AGPS: variants seen among roughly 807,000 people sequenced by gnomAD.
AGPS encodes the protein alkyldihydroxyacetonephosphate synthase, peroxisomal.
AGPS carries 26 observed loss-of-function variants against 90.7 expected under a neutral mutation model. That is an observed-to-expected ratio of 0.29 (90% CI 0.21 to 0.40). The LOEUF (loss-of-function observed/expected upper bound fraction) is 0.40, where lower values mean the gene tolerates loss of function less well. Among genes scored for constraint, AGPS ranks in the 10% least tolerant of loss-of-function variants. The pLI is 1.00. For synonymous variants in AGPS, 294 were observed against 285.3 expected (o/e 1.03, Z -0.31); for missense variants, 540 against 816.1 (o/e 0.66, Z 4.12).
intron 1 of AGPS, among the ~76,000 whole-genome samples, chr2:177,403,537 C>T (rs1465051705): frequency 1.3e-5 from 2 of 152,058 alleles, no homozygotes; most frequent in Non-Finnish European, 2.9e-5. Context: ...AGCTGAATGT[C>T]TGGCAGTTAC....
At chr2:177,507,706 T>G (rs1489492506) in intron 15 of AGPS, among the ~76,000 whole-genome samples, 1 of 152,166 alleles carries the variant, frequency 6.6e-6, no homozygotes, top group African/African-American at 2.4e-5. Context: ...ACTAAAGAAA[T>G]AAATTTGAGT....
intron 8 of AGPS, among the ~76,000 whole-genome samples, chr2:177,452,771 T>G (rs1167193672): frequency 6.6e-6 from 1 of 152,134 alleles, no homozygotes; most frequent in Non-Finnish European, 1.5e-5. Context: ...ACTGCCTTTT[T>G]GGGATTTTTT....
At chr2:177,471,339 G>A (rs745940333) in intron 10 of AGPS, among the ~76,000 whole-genome samples, 12 of 151,938 alleles carry the variant, frequency 7.9e-5, no homozygotes, top group Non-Finnish European at 2.9e-5. Flanking sequence ...TTCTCCATCC[G>A]ACTAAGCTCT....
chr2:177,453,279 T>C (rs1338470490), intron 8 of AGPS, among the ~76,000 whole-genome samples: 1 of 151,998 alleles, frequency 6.6e-6, no homozygotes, highest in Admixed American at 6.5e-5. Flanking sequence ...CTTTTTTTTT[T>C]TTTCTTTGAG....
chr2:177,524,595 T>TA (rs1391762119), intron 19 of AGPS, among the ~76,000 whole-genome samples: 20 of 152,318 alleles, frequency 1.3e-4, no homozygotes, highest in Non-Finnish European at 1.3e-4. Flanking sequence ...AATAACCACC[T>TA]AATTTAAAAA....
chr2:177,448,579 T>C (rs573093465), intron 8 of AGPS, among the ~76,000 whole-genome samples: 3 of 152,194 alleles, frequency 2.0e-5, no homozygotes, highest in Non-Finnish European at 2.9e-5. Context: ...GTAGCCGCCT[T>C]CTTCTCTTCA....
At chr2:177,526,549 T>G (rs2105737501) in intron 19 of AGPS, among the ~76,000 whole-genome samples, 1 of 152,344 alleles carries the variant, frequency 6.6e-6, no homozygotes, top group East Asian at 1.9e-4. Flanking sequence ...TGTTGTATAA[T>G]CTGTTTTCCA....
At chr2:177,482,743 T>C (rs1038164912) in intron 11 of AGPS, among the ~76,000 whole-genome samples, 20 of 152,082 alleles carry the variant, frequency 1.3e-4, no homozygotes, top group Non-Finnish European at 1.3e-4. Context: ...TGTAATAAGC[T>C]AAAAAGAATT....
chr2:177,519,237 T>C (rs914897644), intron 17 of AGPS, among the ~76,000 whole-genome samples: 1 of 152,216 alleles, frequency 6.6e-6, no homozygotes, highest in Non-Finnish European at 1.5e-5. Context: ...TCCTTTGTTA[T>C]CTCCTGGTTG....
At chr2:177,472,207 T>C (rs1024931316) in intron 10 of AGPS, among the ~76,000 whole-genome samples, 6 of 151,968 alleles carry the variant, frequency 3.9e-5, no homozygotes, top group Non-Finnish European at 5.9e-5. Flanking sequence ...TTTCAGTCAC[T>C]TTTTCTCTGA....
intron 19 of AGPS, 137 bp downstream of exon 19, chr2:177,523,942 T>C: frequency 1.3e-6 from 1 of 763,148 alleles, no homozygotes; most frequent in East Asian, 2.7e-5. Context: ...GTCTTTGAAA[T>C]AGCTGTTACT....
At chr2:177,397,752 G>A (rs74944175) in intron 1 of AGPS, among the ~76,000 whole-genome samples, 6,993 of 152,166 alleles carry the variant, frequency 0.046, 209 homozygotes, top group Non-Finnish European at 0.058. Context: ...TTAACGTCGG[G>A]CATGGTGACT....
intron 5 of AGPS, among the ~76,000 whole-genome samples, chr2:177,438,026 G>T (rs1333000868): frequency 1.3e-5 from 2 of 152,210 alleles, no homozygotes; most frequent in African/African-American, 2.4e-5. Flanking sequence ...CTGAGGAAAA[G>T]ATATTCTCCA....
rs2079251386 is a variant in AGPS, at chr2:177,542,952, C to T, written c.*4757C>T. 1 of 152,112 alleles carries T rather than the reference C, an allele frequency of 6.6e-6. No individual in the cohort carries two copies. Among genetic ancestry groups the T allele is most frequent in the East Asian group, 1.9e-4 (1 of 5,196 alleles). The allele number at this position is 152,112 out of a possible 1,614,324, so 9.4% of individuals were successfully genotyped here. The stretch of plus-strand genomic sequence containing the variant: ...AGACTATTCCTCTTCAAGAACATGT[C>T]AGGAATTAAGCAGTTATATGTGGAA... On this transcript the variant is annotated 3_prime_UTR_variant, in exon 20 of 20. Transcript: ENST00000264167.
At chr2:177,511,398 G>A (rs745970690) in intron 16 of AGPS, among the ~76,000 whole-genome samples, 16 of 151,952 alleles carry the variant, frequency 1.1e-4, no homozygotes, top group Non-Finnish European at 2.1e-4. Flanking sequence ...GTGCCTAGCC[G>A]ATGTTACAGA....
intron 19 of AGPS, among the ~76,000 whole-genome samples, chr2:177,531,197 G>C (rs1015591628): frequency 6.6e-6 from 1 of 152,138 alleles, no homozygotes; most frequent in African/African-American, 2.4e-5. Context: ...GAAACAAAAG[G>C]CATATAGATT....
chr2:177,428,980 A>G (rs1027227050), intron 2 of AGPS, among the ~76,000 whole-genome samples: 9 of 152,004 alleles, frequency 5.9e-5, no homozygotes, highest in African/African-American at 1.5e-4. Context: ...TCTTTTTTAC[A>G]TAGTCCCACA....
chr2:177,431,587 C>T (rs975983712), intron 2 of AGPS, among the ~76,000 whole-genome samples: 6 of 152,082 alleles, frequency 3.9e-5, no homozygotes, highest in Admixed American at 1.3e-4. Flanking sequence ...TGTTTATAGA[C>T]GTCCCCCCAG....
At chr2:177,534,479 A>G (rs2105744127) in intron 19 of AGPS, among the ~76,000 whole-genome samples, 1 of 152,136 alleles carries the variant, frequency 6.6e-6, no homozygotes, top group East Asian at 1.9e-4. Context: ...TCCAGTCTCT[A>G]TATACATTAT....
Sources: allele counts gnomAD v4.1 joint callset (sites outside exome capture counted in the v4.1 genomes callset), GRCh38; gene constraint gnomAD v4.1.1; transcripts MANE v1.5; gene names NCBI Gene and HGNC (gene_info 2026-07-23, HGNC 2026-07-21).